PAPPA: variants seen among roughly 807,000 people sequenced by gnomAD.
PAPPA encodes pappalysin-1.
In PAPPA, 60 loss-of-function variants were observed where a neutral mutation model predicts 164.0. The ratio of observed to expected loss-of-function variants is 0.37; its 90% CI spans 0.30 to 0.45. PAPPA has a LOEUF of 0.45. PAPPA is among the 20% of genes least tolerant of loss of function. PAPPA has a pLI of 1.00. For missense variants in PAPPA, 1,782 were observed against 2,087.3 expected (o/e 0.85, Z 2.85); for synonymous variants, 875 against 814.1 (o/e 1.07, Z -1.27).
intron 21 of PAPPA, among the ~76,000 whole-genome samples, chr9:116,393,991 A>C (rs913071357): frequency 2.6e-5 from 4 of 152,198 alleles, no homozygotes; most frequent in African/African-American, 9.6e-5. Flanking sequence ...AGCAGAAAGC[A>C]CAAAAGATAA....
intron 1 of PAPPA, among the ~76,000 whole-genome samples, chr9:116,157,335 T>A (rs1843616293): frequency 1.3e-5 from 2 of 152,150 alleles, no homozygotes; most frequent in Non-Finnish European, 2.9e-5. Flanking sequence ...AGCAGTTTGC[T>A]TCTGAAGCTC....
At position 116,211,523 on chromosome 9, in the gene PAPPA, T is replaced by TGGA. The variant is rs1366730248; in HGVS notation, c.1625-114_1625-112dup. ...CTCTCAGGGCAATGGAGTCCTAGGGTGGAGAAGCTTGTGTTTATTTTGGGC... is the reference window on the plus strand; with the variant it reads ...CTCTCAGGGCAATGGAGTCCTAGGGTGGAGGAGAAGCTTGTGTTTATTTTGGGC... On this transcript the variant is annotated intron_variant, in intron 3 of 21. Transcript: ENST00000328252. 1.1e-5 allele frequency: 9 copies of TGGA among 812,610 alleles called. No individual in the cohort carries two copies. In the Admixed American group the frequency reaches 2.0e-4, roughly 18 times the overall value. 50.3% of individuals were successfully genotyped at this position (812,610 alleles called of 1,614,324 possible).
At chr9:116,194,374 G>A (rs1237392327) in intron 2 of PAPPA, among the ~76,000 whole-genome samples, 1 of 152,138 alleles carries the variant, frequency 6.6e-6, no homozygotes. Context: ...ATGAAAGGGG[G>A]CATTGTTATT....
At chr9:116,311,600 G>GT (rs1453447605) in intron 10 of PAPPA, among the ~76,000 whole-genome samples, 1 of 152,160 alleles carries the variant, frequency 6.6e-6, no homozygotes, top group East Asian at 1.9e-4. Context: ...CCTGACTTGG[G>GT]TACTGTTTGT....
intron 7 of PAPPA, among the ~76,000 whole-genome samples, chr9:116,241,367 G>A (rs936783059): frequency 1.3e-5 from 2 of 152,152 alleles, no homozygotes; most frequent in Admixed American, 6.6e-5. Context: ...AAGATTTAGT[G>A]ATTTTTAGAT....
At chr9:116,385,559 G>A (rs1295985479) in intron 21 of PAPPA, among the ~76,000 whole-genome samples, 1 of 152,078 alleles carries the variant, frequency 6.6e-6, no homozygotes, top group Non-Finnish European at 1.5e-5. Flanking sequence ...AGACTCCCAG[G>A]CCCCAAGATA....
chr9:116,233,617 T>C (rs938594094), intron 6 of PAPPA, among the ~76,000 whole-genome samples: 1 of 152,180 alleles, frequency 6.6e-6, no homozygotes, highest in Non-Finnish European at 1.5e-5. Context: ...TTCTCACCCC[T>C]CCTTCTCTTT....
intron 10 of PAPPA, among the ~76,000 whole-genome samples, chr9:116,328,091 CAG>C (rs1470849219): frequency 6.6e-6 from 1 of 152,180 alleles, no homozygotes; most frequent in Non-Finnish European, 1.5e-5. Context: ...TTGTTCATGT[CAG>C]AGAATCCTGT....
In PAPPA at chr9:116,396,629, A is replaced by G. The variant is rs780019936; in HGVS notation, c.*13A>G. ...CAGCCATGGCTAAGGAAGGACAAGA[A>G]GTTGTCAAAGAATTCCCAACGCCAG... is the stretch of plus-strand genomic sequence containing the variant. On this transcript the variant is annotated 3_prime_UTR_variant, in exon 22 of 22. Transcript: ENST00000328252. 7 of 779,440 alleles carry G rather than the reference A, an allele frequency of 9.0e-6. No homozygotes were observed. The highest frequency in any genetic ancestry group is 1.7e-5 in the African/African-American group (1 of 59,062). 48.3% of individuals were successfully genotyped at this position (779,440 alleles called of 1,614,324 possible).
chr9:116,188,286 G>T, intron 2 of PAPPA, 70 bp downstream of exon 2: 2 of 1,149,502 alleles, frequency 1.7e-6, no homozygotes, highest in Non-Finnish European at 2.5e-6. Context: ...TATAGATAAG[G>T]CACCTGAGGC....
At position 116,184,961 on chromosome 9, in the gene PAPPA, TGGTG is replaced by T. The variant is rs1420092620; in HGVS notation, c.416-2192_416-2189del. Among the ~76,000 whole-genome samples, 8 of 152,228 alleles carry T rather than the reference TGGTG, an allele frequency of 5.3e-5. No individual in the cohort carries two copies. In the South Asian group the frequency reaches 1.7e-3, roughly 32 times the overall value. ...AAACAGTTCGGCAGAGAGGGGATAA[TGGTG>T]AGAACACAGGCAACTCCAAAACCGA... On this transcript the variant is annotated intron_variant, in intron 1 of 21. Coordinates refer to ENST00000328252, the MANE Select transcript of PAPPA (RefSeq NM_002581.5).
chr9:116,383,275 C>A (rs960978661), intron 21 of PAPPA, among the ~76,000 whole-genome samples: 1 of 152,138 alleles, frequency 6.6e-6, no homozygotes, highest in Non-Finnish European at 1.5e-5. Context: ...GGCTGAGAAG[C>A]GTTCTTGTGA....
At chr9:116,319,196 C>T (rs937103627) in intron 10 of PAPPA, among the ~76,000 whole-genome samples, 1 of 152,140 alleles carries the variant, frequency 6.6e-6, no homozygotes, top group African/African-American at 2.4e-5. Context: ...GCGGAGGGCC[C>T]GTGTGAAATG....
At chr9:116,366,718 G>C (rs754961306) in intron 18 of PAPPA, among the ~76,000 whole-genome samples, 1 of 152,174 alleles carries the variant, frequency 6.6e-6, no homozygotes, top group Admixed American at 6.5e-5. Context: ...TTACAGTCCA[G>C]CAGGGAAGAG....
chr9:116,237,793 C>G (rs1326189528), intron 7 of PAPPA, among the ~76,000 whole-genome samples: 2 of 151,580 alleles, frequency 1.3e-5, no homozygotes, highest in African/African-American at 4.9e-5. Context: ...GATCTTGGCT[C>G]GCTGCAACCT....
intron 4 of PAPPA, among the ~76,000 whole-genome samples, chr9:116,212,135 C>G (rs79239522): frequency 0.015 from 2,240 of 152,298 alleles, 29 homozygotes; most frequent in Non-Finnish European, 0.025. Context: ...GGACTAGCAT[C>G]TCCATGATCC....
intron 7 of PAPPA, among the ~76,000 whole-genome samples, chr9:116,241,078 G>T (rs77183648): frequency 6.6e-6 from 1 of 151,996 alleles, no homozygotes; most frequent in Non-Finnish European, 1.5e-5. Flanking sequence ...ATATGATCTG[G>T]GTGGACATTC....
At position 116,153,908 on chromosome 9, in the gene PAPPA, T is replaced by G; in HGVS notation, c.-265T>G. 4.6e-6 allele frequency: 1 copy of G among 218,974 alleles called. No homozygotes were observed. Among genetic ancestry groups the G allele is most frequent in the Non-Finnish European group, 8.3e-6 (1 of 120,042 alleles). 13.6% of individuals were successfully genotyped at this position (218,974 alleles called of 1,614,324 possible). On this transcript the variant is annotated 5_prime_UTR_variant, in exon 1 of 22. Transcript: ENST00000328252. ...AACAAGGAGGAAGGCAACCAGCTGT[T>G]AGGGGAAAAATAAGGCAGATAAAGG...
Position 116,362,843 on chromosome 9 carries a change from T to C in PAPPA, c.4495+104T>C, listed in dbSNP as rs1846447579. On this transcript the variant is annotated intron_variant, in intron 18 of 21. Coordinates refer to ENST00000328252, the MANE Select transcript of PAPPA (RefSeq NM_002581.5). Reference sequence around the variant, plus strand: ...TGAACACCCTGGCCACATGAGTTCCTGCGTAGGCACTACAGAAAGAGAGAT... The same window carrying C: ...TGAACACCCTGGCCACATGAGTTCCCGCGTAGGCACTACAGAAAGAGAGAT... 3 of 1,083,254 alleles carry C rather than the reference T, an allele frequency of 2.8e-6. No homozygotes were observed. In the Admixed American group the frequency reaches 7.4e-5, roughly 27 times the overall value. 67.1% of individuals were successfully genotyped at this position (1,083,254 alleles called of 1,614,324 possible). A position where few individuals can be genotyped will look rare whatever the true frequency, so the allele number is the denominator to read the frequency against.
Sources: allele counts gnomAD v4.1 joint callset (sites outside exome capture counted in the v4.1 genomes callset), GRCh38; gene constraint gnomAD v4.1.1; transcripts MANE v1.5; gene names NCBI Gene and HGNC (gene_info 2026-07-23, HGNC 2026-07-21).